Variants in GULP1 observed in about 807,000 individuals in gnomAD.
GULP1 encodes the protein PTB domain-containing engulfment adapter protein 1.
A neutral mutation model predicts 40.9 loss-of-function variants in GULP1; 19 were observed. That is an observed-to-expected ratio of 0.46 (90% CI 0.32 to 0.68). The LOEUF (loss-of-function observed/expected upper bound fraction) is 0.68, where lower values mean the gene tolerates loss of function less well. Among genes scored for constraint, GULP1 ranks in the 30% least tolerant of loss-of-function variants. The pLI is 0.03. For synonymous variants in GULP1, 119 were observed against 117.6 expected, an observed-to-expected ratio of 1.01 and a Z score of -0.08; for missense variants, 312 against 362.2, an observed-to-expected ratio of 0.86 and a Z score of 1.12.
intron 2 of GULP1, among the ~76,000 whole-genome samples, chr2:188,469,632 C>T (rs2060423327): frequency 6.6e-6 from 1 of 152,026 alleles, no homozygotes; most frequent in African/African-American, 2.4e-5. Context: ...CCTTGTGTTC[C>T]AGATTTCAAA....
At chr2:188,337,670 A>G (rs993526976) in intron 1 of GULP1, among the ~76,000 whole-genome samples, 2 of 151,850 alleles carry the variant, frequency 1.3e-5, no homozygotes, top group African/African-American at 4.8e-5. Context: ...GACTTTGGTG[A>G]GTGTGCCTGG....
chr2:188,337,329 G>T (rs1285295036), intron 1 of GULP1, among the ~76,000 whole-genome samples: 2 of 151,324 alleles, frequency 1.3e-5, no homozygotes. Context: ...AGTAGAGATG[G>T]GGGTTTCATC....
intron 2 of GULP1, among the ~76,000 whole-genome samples, chr2:188,447,695 A>C (rs1177681954): frequency 6.6e-6 from 1 of 152,204 alleles, no homozygotes; most frequent in African/African-American, 2.4e-5. Flanking sequence ...GAGATGCTAC[A>C]TAGAAAGTAC....
intron 2 of GULP1, among the ~76,000 whole-genome samples, chr2:188,400,689 G>A (rs192365427): frequency 1.3e-5 from 2 of 152,292 alleles, no homozygotes; most frequent in Admixed American, 1.3e-4. Context: ...AAGCTAGCTA[G>A]GATATTCTAT....
intron 1 of GULP1, among the ~76,000 whole-genome samples, chr2:188,340,382 T>A (rs1248607388): frequency 6.6e-6 from 1 of 152,140 alleles, no homozygotes; most frequent in Non-Finnish European, 1.5e-5. Flanking sequence ...CAGGGGTGCC[T>A]TGCTTACTCA....
At chr2:188,353,127 C>G (rs147595822) in intron 1 of GULP1, among the ~76,000 whole-genome samples, 37 of 152,142 alleles carry the variant, frequency 2.4e-4, no homozygotes, top group African/African-American at 7.7e-4. Flanking sequence ...TGAGTATTTA[C>G]CATCTGGCAA....
intron 2 of GULP1, among the ~76,000 whole-genome samples, chr2:188,477,393 A>G (rs1346151330): frequency 1.3e-5 from 2 of 152,128 alleles, no homozygotes; most frequent in African/African-American, 2.4e-5. Context: ...GCAAATAAAT[A>G]TAGTTAATGA....
At chr2:188,431,064 C>T (rs2056817088) in intron 2 of GULP1, among the ~76,000 whole-genome samples, 1 of 152,098 alleles carries the variant, frequency 6.6e-6, no homozygotes, top group Admixed American at 6.5e-5. Context: ...TGTAAACTCC[C>T]CCATATATAC....
intron 2 of GULP1, among the ~76,000 whole-genome samples, chr2:188,439,897 A>G (rs1455582531): frequency 5.3e-5 from 8 of 152,240 alleles, no homozygotes. Flanking sequence ...ACTGCCTTAC[A>G]TCAAGTAGTA....
At chr2:188,540,934 C>T (rs888616872) in intron 6 of GULP1, among the ~76,000 whole-genome samples, 1 of 152,088 alleles carries the variant, frequency 6.6e-6, no homozygotes, top group East Asian at 1.9e-4. Flanking sequence ...AATCTTTGAT[C>T]ATTTTGTACT....
intron 1 of GULP1, among the ~76,000 whole-genome samples, chr2:188,326,904 C>T (rs2040836715): frequency 6.6e-6 from 1 of 152,078 alleles, no homozygotes; most frequent in African/African-American, 2.4e-5. Context: ...CAGCAGAATT[C>T]AGCAGACAGT....
Position 188,593,844 on chromosome 2 carries a change from A to G in GULP1, c.844-96A>G, listed in dbSNP as rs1704065351. ...TAGTTATTTATTAGTTGATCAAAGCATGAATATTTCAACTTTAGTGCATAG... is the reference window on the plus strand; with the variant it reads ...TAGTTATTTATTAGTTGATCAAAGCGTGAATATTTCAACTTTAGTGCATAG... On this transcript the variant is annotated intron_variant, in intron 11 of 11. Transcript: ENST00000409830. 3 of 719,134 alleles carry G rather than the reference A, an allele frequency of 4.2e-6. 1 individual carries two copies. The highest frequency in any genetic ancestry group is 2.5e-6 in the Non-Finnish European group (1 of 405,900). The allele number at this position is 719,134 out of a possible 1,614,324, so 44.5% of individuals were successfully genotyped here. A position where few individuals can be genotyped will look rare whatever the true frequency, so the allele number is the denominator to read the frequency against.
At chr2:188,539,110 T>C (rs1002251334) in intron 6 of GULP1, among the ~76,000 whole-genome samples, 1 of 152,036 alleles carries the variant, frequency 6.6e-6, no homozygotes, top group African/African-American at 2.4e-5. Context: ...TTTTCTCACG[T>C]GTCCTCCAAA....
intron 4 of GULP1, among the ~76,000 whole-genome samples, chr2:188,490,363 A>G (rs1423490344): frequency 6.6e-6 from 1 of 152,116 alleles, no homozygotes; most frequent in Non-Finnish European, 1.5e-5. Flanking sequence ...GTACTTAACC[A>G]GCAGATGAAA....
chr2:188,355,557 C>A (rs2045175125), intron 1 of GULP1, among the ~76,000 whole-genome samples: 1 of 151,878 alleles, frequency 6.6e-6, no homozygotes, highest in Non-Finnish European at 1.5e-5. Flanking sequence ...AAAGAAAATT[C>A]TAGGACCAGA....
intron 4 of GULP1, among the ~76,000 whole-genome samples, chr2:188,519,163 A>G (rs528027558): frequency 1.1e-3 from 169 of 152,294 alleles, no homozygotes; most frequent in African/African-American, 4.0e-3. Context: ...AGTGCTCCAT[A>G]TTAAGATATA....
intron 4 of GULP1, among the ~76,000 whole-genome samples, chr2:188,513,497 C>T (rs1316507430): frequency 6.6e-6 from 1 of 151,818 alleles, no homozygotes; most frequent in Non-Finnish European, 1.5e-5. Context: ...TGTCATTGGC[C>T]GATCACTTTT....
intron 1 of GULP1, among the ~76,000 whole-genome samples, chr2:188,294,714 TCC>T (rs1392745098): frequency 1.3e-5 from 2 of 152,226 alleles, no homozygotes; most frequent in African/African-American, 2.4e-5. Flanking sequence ...CCAAATGTTT[TCC>T]CTGACTATGA....
At chr2:188,513,368 T>G (rs918365286) in intron 4 of GULP1, among the ~76,000 whole-genome samples, 1 of 152,158 alleles carries the variant, frequency 6.6e-6, no homozygotes, top group African/African-American at 2.4e-5. Context: ...GGGAGTCATA[T>G]TCAATGTTTT....
Sources: gnomAD v4.1 joint callset for allele counts (sites outside exome capture counted in the v4.1 genomes callset) on GRCh38, gnomAD v4.1.1 for gene constraint, MANE v1.5 for transcripts, NCBI Gene and HGNC (gene_info 2026-07-23, HGNC 2026-07-21) for gene names.